The following FHOD3 variants were observed in gnomAD, a reference collection of about 807,000 sequenced individuals.
FHOD3 encodes formin homology 2 domain containing 3.
FHOD3 carries 90 observed loss-of-function variants against 173.0 expected under a neutral mutation model. The ratio of observed to expected loss-of-function variants is 0.52; its 90% CI spans 0.44 to 0.62. The LOEUF (loss-of-function observed/expected upper bound fraction) is 0.62, where lower values mean the gene tolerates loss of function less well. Ranked by LOEUF, FHOD3 falls within the 20% of genes least tolerant of loss-of-function variation. The pLI is 0.00. For missense variants in FHOD3, 1,945 were observed against 2,034.7 expected, an observed-to-expected ratio of 0.96 and a Z score of 0.85; for synonymous variants, 828 against 823.0, an observed-to-expected ratio of 1.01 and a Z score of -0.10.
chr18:36,722,400 A>G (rs1415651956), intron 19 of FHOD3, among the ~76,000 whole-genome samples: 1 of 152,146 alleles, frequency 6.6e-6, no homozygotes, highest in Non-Finnish European at 1.5e-5. Flanking sequence ...CCAGACCAAA[A>G]CAGACATGGA....
chr18:36,702,847 C>T (rs754716989), intron 17 of FHOD3, among the ~76,000 whole-genome samples: 1 of 147,618 alleles, frequency 6.8e-6, no homozygotes, highest in Non-Finnish European at 1.5e-5. Context: ...TGCGTACACG[C>T]TTAATTCCAG....
chr18:36,525,667 T>A (rs1028270572), intron 5 of FHOD3, among the ~76,000 whole-genome samples: 5 of 152,204 alleles, frequency 3.3e-5, no homozygotes, highest in African/African-American at 9.7e-5. Flanking sequence ...AGGGAAGATA[T>A]CATGAGGGCA....
intron 3 of FHOD3, among the ~76,000 whole-genome samples, chr18:36,404,492 T>C (rs1008582498): frequency 1.3e-5 from 2 of 152,332 alleles, no homozygotes; most frequent in African/African-American, 4.8e-5. Flanking sequence ...TGTAGAATAG[T>C]ATGCATGCAT....
chr18:36,394,558 A>T (rs2048456879), intron 3 of FHOD3, among the ~76,000 whole-genome samples: 1 of 152,170 alleles, frequency 6.6e-6, no homozygotes, highest in African/African-American at 2.4e-5. Context: ...GATGGGTTTC[A>T]ATCAGTTGCA....
chr18:36,597,549 C>T (rs1409082851), intron 7 of FHOD3, among the ~76,000 whole-genome samples: 2 of 152,116 alleles, frequency 1.3e-5, no homozygotes, highest in Non-Finnish European at 2.9e-5. Context: ...GCCTCAGCCT[C>T]CCGAGTAGTT....
chr18:36,691,199 A>C (rs915469185), intron 16 of FHOD3, among the ~76,000 whole-genome samples: 1 of 152,036 alleles, frequency 6.6e-6, no homozygotes. Flanking sequence ...GGAATGAGCC[A>C]GCAAAAATGA....
chr18:36,464,796 A>G (rs893824382), intron 3 of FHOD3, among the ~76,000 whole-genome samples: 2 of 151,912 alleles, frequency 1.3e-5, no homozygotes, highest in African/African-American at 2.4e-5. Flanking sequence ...AAATAAGAAC[A>G]AAGACTCATC....
At chr18:36,330,581 C>CAAAAT (rs1234523616) in intron 1 of FHOD3, among the ~76,000 whole-genome samples, 1 of 152,056 alleles carries the variant, frequency 6.6e-6, no homozygotes, top group African/African-American at 2.4e-5. Context: ...GGGACTGTGG[C>CAAAAT]GTGCAGGGCT....
chr18:36,694,818 G>A (rs957626047), intron 17 of FHOD3, among the ~76,000 whole-genome samples: 12 of 152,126 alleles, frequency 7.9e-5, no homozygotes, highest in African/African-American at 2.7e-4. Flanking sequence ...CTTGATGTTT[G>A]TGGCAAAAGA....
intron 1 of FHOD3, among the ~76,000 whole-genome samples, chr18:36,322,796 T>G (rs979371787): frequency 1.3e-5 from 2 of 152,158 alleles, no homozygotes; most frequent in Non-Finnish European, 2.9e-5. Flanking sequence ...TCCCTCTACC[T>G]TCTCCTCCCC....
intron 14 of FHOD3, among the ~76,000 whole-genome samples, chr18:36,662,597 T>A (rs1439826526): frequency 6.6e-6 from 1 of 152,198 alleles, no homozygotes; most frequent in Non-Finnish European, 1.5e-5. Flanking sequence ...CCCAGCAGAG[T>A]TCTTCCTACT....
intron 17 of FHOD3, among the ~76,000 whole-genome samples, chr18:36,696,271 T>A (rs1436875731): frequency 1.3e-5 from 2 of 152,220 alleles, no homozygotes; most frequent in Non-Finnish European, 2.9e-5. Flanking sequence ...GCTATTCATA[T>A]TAATGCCACA....
chr18:36,335,411 C>T (rs1415735271), intron 1 of FHOD3, among the ~76,000 whole-genome samples: 5 of 150,326 alleles, frequency 3.3e-5, no homozygotes, highest in Admixed American at 2.6e-4. Flanking sequence ...AGGAGAATGG[C>T]GTGAACCCGG....
chr18:36,475,784 A>G (rs368999417), intron 3 of FHOD3, among the ~76,000 whole-genome samples: 3 of 120,732 alleles, frequency 2.5e-5, no homozygotes, highest in South Asian at 6.1e-4. Flanking sequence ...ACACACACAC[A>G]CACACACACA....
chr18:36,578,460 G>A (rs968282423), intron 6 of FHOD3, among the ~76,000 whole-genome samples: 6 of 152,276 alleles, frequency 3.9e-5, no homozygotes, highest in African/African-American at 1.2e-4. Flanking sequence ...TACAATTCAA[G>A]GTGAGATTTG....
intron 2 of FHOD3, among the ~76,000 whole-genome samples, chr18:36,371,762 G>T (rs559281007): frequency 4.7e-4 from 72 of 152,234 alleles, no homozygotes; most frequent in Non-Finnish European, 8.4e-4. Context: ...ACACCAGGAG[G>T]CAGGAAAGCA....
chr18:36,408,691 G>T (rs1218532418), intron 3 of FHOD3, among the ~76,000 whole-genome samples: 1 of 152,168 alleles, frequency 6.6e-6, no homozygotes, highest in Non-Finnish European at 1.5e-5. Context: ...CACAGCCAAG[G>T]AGTTGGCAGG....
At chr18:36,665,905 T>G (rs1164532592) in intron 14 of FHOD3, among the ~76,000 whole-genome samples, 1 of 152,160 alleles carries the variant, frequency 6.6e-6, no homozygotes, top group African/African-American at 2.4e-5. Context: ...CTTGGGGCTG[T>G]GACAGGAGAG....
chr18:36,329,640 G>A (rs1235266640), intron 1 of FHOD3, among the ~76,000 whole-genome samples: 1 of 152,182 alleles, frequency 6.6e-6, no homozygotes, highest in African/African-American at 2.4e-5. Context: ...GATGCAGAAA[G>A]AGGGAGTACA....
Sources: allele counts gnomAD v4.1 joint callset (sites outside exome capture counted in the v4.1 genomes callset), GRCh38; gene constraint gnomAD v4.1.1; transcripts MANE v1.5; gene names NCBI Gene and HGNC (gene_info 2026-07-23, HGNC 2026-07-21).